The following PDE1A variants were observed in gnomAD, a reference collection of about 807,000 sequenced individuals.
PDE1A encodes the protein dual specificity calcium/calmodulin-dependent 3',5'-cyclic nucleotide phosphodiesterase 1A.
A neutral mutation model predicts 61.7 loss-of-function variants in PDE1A; 35 were observed. The ratio of observed to expected loss-of-function variants is 0.57; its 90% CI spans 0.43 to 0.75. The LOEUF (loss-of-function observed/expected upper bound fraction) is 0.75, where lower values mean the gene tolerates loss of function less well. Ranked by LOEUF, PDE1A falls within the 30% of genes least tolerant of loss-of-function variation. The pLI is 0.00. For missense variants in PDE1A, 597 were observed against 630.6 expected (o/e 0.95, Z 0.57); for synonymous variants, 232 against 213.2 (o/e 1.09, Z -0.77).
downstream of PDE1A, among the ~76,000 whole-genome samples, chr2:182,146,423 T>G (rs1229157162): frequency 6.6e-6 from 1 of 152,324 alleles, no homozygotes; most frequent in African/African-American, 2.4e-5. Context: ...ACATTTATAT[T>G]TCTTACATGA....
intron 13 of PDE1A, among the ~76,000 whole-genome samples, chr2:182,171,792 C>T (rs10204284): frequency 0.2 from 30,663 of 150,678 alleles, 3,356 homozygotes; most frequent in East Asian, 0.33. Flanking sequence ...AGAACTGTCT[C>T]TGAGAGCTGT....
intron 13 of PDE1A, among the ~76,000 whole-genome samples, chr2:182,159,707 C>A (rs1203976863): frequency 1.3e-5 from 2 of 152,136 alleles, no homozygotes; most frequent in Non-Finnish European, 2.9e-5. Flanking sequence ...TTGGCTCTTG[C>A]ACTTTGGGAG....
intron 7 of PDE1A, among the ~76,000 whole-genome samples, chr2:182,212,742 C>T (rs1042261552): frequency 2.6e-5 from 4 of 152,230 alleles, no homozygotes; most frequent in Non-Finnish European, 4.4e-5. Context: ...GAGATTATAT[C>T]CCGCACCTGG....
chr2:182,364,466 T>TAAAAAA (rs201821721), intron 1 of PDE1A, among the ~76,000 whole-genome samples: 2,275 of 35,790 alleles, frequency 0.064, 646 homozygotes, highest in Non-Finnish European at 0.077. Context: ...AACACTTTGG[T>TAAAAAA]AAAAAAAAAA....
At chr2:182,566,643 T>C in the PDE1A span, among the ~76,000 whole-genome samples, 21 of 152,098 alleles carry the variant, frequency 1.4e-4, no homozygotes, top group African/African-American at 4.3e-4. Context: ...TAGTTATTTA[T>C]CTGATAATAC....
chr2:182,686,340 C>A, the PDE1A span, among the ~76,000 whole-genome samples: 1 of 152,164 alleles, frequency 6.6e-6, no homozygotes, highest in South Asian at 2.1e-4. Flanking sequence ...TGGTTTATTT[C>A]TCTTGTAATA....
At chr2:182,527,314 AAAAAAAAAAAAAAATATAT>A (rs1690787065), upstream of PDE1A, among the ~76,000 whole-genome samples, 2 of 50,096 alleles carry the variant, frequency 4.0e-5, no homozygotes, top group African/African-American at 1.8e-4. Context: ...AAAAAAAAAA[AAAAAAAAAAAAAAATATAT>A]ATATATATAT....
intron 2 of PDE1A, among the ~76,000 whole-genome samples, chr2:182,477,892 C>T (rs1183513325): frequency 6.6e-6 from 1 of 151,962 alleles, no homozygotes. Context: ...ATGCACGTCT[C>T]TTTTGTGGAG....
At chr2:182,280,186 A>T (rs1045897037) in intron 1 of PDE1A, among the ~76,000 whole-genome samples, 3 of 151,794 alleles carry the variant, frequency 2.0e-5, no homozygotes, top group African/African-American at 7.3e-5. Context: ...TTTTACTAAC[A>T]TTATGTTCTG....
intron 13 of PDE1A, among the ~76,000 whole-genome samples, chr2:182,169,089 T>C (rs1200583429): frequency 1.3e-5 from 2 of 152,060 alleles, no homozygotes; most frequent in African/African-American, 4.8e-5. Flanking sequence ...ATAATTTCTT[T>C]AACTCATAAG....
the PDE1A span, among the ~76,000 whole-genome samples, chr2:182,563,624 T>A: frequency 6.6e-6 from 1 of 152,174 alleles, no homozygotes; most frequent in Non-Finnish European, 1.5e-5. Flanking sequence ...TAACTTTCTG[T>A]CTCGTTGATC....
chr2:182,660,952 T>C, the PDE1A span, among the ~76,000 whole-genome samples: 1 of 152,204 alleles, frequency 6.6e-6, no homozygotes, highest in African/African-American at 2.4e-5. Context: ...ATTTGTTACA[T>C]AGCAATAGAA....
intron 7 of PDE1A, among the ~76,000 whole-genome samples, chr2:182,219,792 A>C (rs561378628): frequency 1.6e-4 from 24 of 152,210 alleles, no homozygotes; most frequent in African/African-American, 3.1e-4. Flanking sequence ...CACTAAAACA[A>C]CACCACCACC....
chr2:182,630,131 T>C, the PDE1A span, among the ~76,000 whole-genome samples: 3 of 152,180 alleles, frequency 2.0e-5, no homozygotes, highest in Non-Finnish European at 2.9e-5. Flanking sequence ...TTCAAACATT[T>C]TTTTTCCAAA....
At chr2:182,169,584 G>A (rs947526894) in intron 13 of PDE1A, among the ~76,000 whole-genome samples, 7 of 151,998 alleles carry the variant, frequency 4.6e-5, no homozygotes, top group African/African-American at 1.4e-4. Context: ...TGGATGAAGA[G>A]GATTGGTGGA....
the PDE1A span, among the ~76,000 whole-genome samples, chr2:182,705,387 T>C: frequency 6.6e-6 from 1 of 152,230 alleles, no homozygotes; most frequent in East Asian, 1.9e-4. Flanking sequence ...GTCTACCCTT[T>C]AGCTTATTTA....
chr2:182,240,743 T>C (rs1690437547), intron 2 of PDE1A, among the ~76,000 whole-genome samples: 2 of 152,234 alleles, frequency 1.3e-5, no homozygotes, highest in South Asian at 4.1e-4. Flanking sequence ...ATCTTAAGTA[T>C]AGTACATGCT....
At chr2:182,696,317 T>C in the PDE1A span, among the ~76,000 whole-genome samples, 2 of 152,150 alleles carry the variant, frequency 1.3e-5, no homozygotes, top group Non-Finnish European at 2.9e-5. Context: ...TGAAAAGACA[T>C]TGAAGAAACT....
intron 2 of PDE1A, among the ~76,000 whole-genome samples, chr2:182,260,534 A>T (rs1692147768): frequency 6.6e-6 from 1 of 152,224 alleles, no homozygotes; most frequent in East Asian, 1.9e-4. Context: ...TGATATTTTG[A>T]TCATGAAATC....
Sources: gnomAD v4.1 joint callset for allele counts (sites outside exome capture counted in the v4.1 genomes callset) on GRCh38, gnomAD v4.1.1 for gene constraint, MANE v1.5 for transcripts, NCBI Gene and HGNC (gene_info 2026-07-23, HGNC 2026-07-21) for gene names.